FGF14: variants seen among roughly 807,000 people sequenced by gnomAD.
FGF14 encodes the protein fibroblast growth factor homologous factor 4.
FGF14 carries 5 observed loss-of-function variants against 25.5 expected under a neutral mutation model. The observed-to-expected ratio is 0.20, with a 90% CI of 0.10 to 0.41. The LOEUF (loss-of-function observed/expected upper bound fraction) is 0.41. Ranked by LOEUF, FGF14 falls within the 10% of genes least tolerant of loss-of-function variation. The probability of loss-of-function intolerance (pLI) is 1.00; values close to 1 mark genes in which losing one functional copy is unlikely to be tolerated. For missense variants in FGF14, 222 were observed against 320.1 expected, an observed-to-expected ratio of 0.69 and a Z score of 2.34; for synonymous variants, 138 against 118.3, an observed-to-expected ratio of 1.17 and a Z score of -1.08.
At chr13:102,185,744 C>T (rs1417129887) in intron 1 of FGF14, among the ~76,000 whole-genome samples, 1 of 152,126 alleles carries the variant, frequency 6.6e-6, no homozygotes, top group Non-Finnish European at 1.5e-5. Flanking sequence ...GAGATGGATC[C>T]ACCAGATTTA....
Position 102,141,829 on chromosome 13 carries a change from G to C in FGF14, c.208+259642C>G, listed in dbSNP as rs2046655412. On this transcript the variant is annotated intron_variant, in intron 1 of 4. Transcript: ENST00000376131. ...ATCTACCACTAGAGGGCACAAATAA[G>C]GCTGTTTTCTGGGAAAAGGTTTTGA... Among the ~76,000 whole-genome samples the C allele has an allele frequency of 2.0e-5, 3 of 152,100 alleles. No individual in the cohort carries two copies. The South Asian group carries it at 6.2e-4, about 32-fold the overall frequency.
intron 3 of FGF14, among the ~76,000 whole-genome samples, chr13:101,811,625 G>T (rs1270850026): frequency 6.6e-6 from 1 of 152,176 alleles, no homozygotes; most frequent in African/African-American, 2.4e-5. Context: ...TTGCATAGAG[G>T]CCAAGGGACA....
At chr13:102,110,563 C>T (rs1194647007) in intron 1 of FGF14, among the ~76,000 whole-genome samples, 1 of 152,076 alleles carries the variant, frequency 6.6e-6, no homozygotes, top group Non-Finnish European at 1.5e-5. Flanking sequence ...TGAAGAGTTC[C>T]AACAGAACAA....
intron 1 of FGF14, among the ~76,000 whole-genome samples, chr13:102,224,714 C>T (rs1489755674): frequency 6.6e-6 from 1 of 152,156 alleles, no homozygotes; most frequent in African/African-American, 2.4e-5. Flanking sequence ...AGAAACTATA[C>T]TACATAATGT....
chr13:102,396,905 A>G (rs2058598304), intron 1 of FGF14, among the ~76,000 whole-genome samples: 2 of 152,346 alleles, frequency 1.3e-5, no homozygotes, highest in South Asian at 4.1e-4. Context: ...TACCTCAGTA[A>G]ATAAGCTTCC....
At chr13:102,216,494 A>T (rs1045550430) in intron 1 of FGF14, among the ~76,000 whole-genome samples, 3 of 152,224 alleles carry the variant, frequency 2.0e-5, no homozygotes, top group Non-Finnish European at 4.4e-5. Context: ...TTTTAACAAT[A>T]GTAAAAGCAA....
intron 1 of FGF14, among the ~76,000 whole-genome samples, chr13:102,068,676 C>A (rs1306327225): frequency 2.0e-5 from 3 of 152,238 alleles, no homozygotes; most frequent in Non-Finnish European, 4.4e-5. Flanking sequence ...CGGCGCTGTG[C>A]TCGATTTCTC....
At chr13:101,743,631 C>T (rs1166112787) in intron 3 of FGF14, among the ~76,000 whole-genome samples, 1 of 152,128 alleles carries the variant, frequency 6.6e-6, no homozygotes, top group Non-Finnish European at 1.5e-5. Flanking sequence ...TTCACACTGT[C>T]AGTGATAGAA....
At chr13:102,094,426 C>A (rs780716609) in intron 1 of FGF14, among the ~76,000 whole-genome samples, 111 of 152,262 alleles carry the variant, frequency 7.3e-4, no homozygotes, top group Non-Finnish European at 1.5e-3. Context: ...TTCCCAGACA[C>A]CATTAAGAAA....
chr13:102,244,605 T>C (rs769204806), intron 1 of FGF14, among the ~76,000 whole-genome samples: 9 of 152,110 alleles, frequency 5.9e-5, no homozygotes, highest in Admixed American at 1.3e-4. Context: ...AGGTTTTTCA[T>C]GTCATTGCAT....
intron 1 of FGF14, among the ~76,000 whole-genome samples, chr13:102,132,934 T>C (rs2046262721): frequency 6.6e-6 from 1 of 152,218 alleles, no homozygotes; most frequent in Non-Finnish European, 1.5e-5. Flanking sequence ...GGTGTTCTGT[T>C]GAACCTGAAT....
At chr13:102,275,948 T>C (rs1252192512) in intron 1 of FGF14, among the ~76,000 whole-genome samples, 2 of 151,880 alleles carry the variant, frequency 1.3e-5, no homozygotes, top group African/African-American at 4.8e-5. Context: ...CAATGAACAG[T>C]AAAAAAACAA....
At chr13:102,018,918 A>G (rs1269798341) in intron 1 of FGF14, among the ~76,000 whole-genome samples, 2 of 152,156 alleles carry the variant, frequency 1.3e-5, no homozygotes, top group Non-Finnish European at 2.9e-5. Context: ...TGGGGCTTGC[A>G]CATGTACATT....
exon 1 of FGF14, chr13:102,401,690 T>C: frequency 1.2e-6 from 2 of 1,607,762 alleles, no homozygotes; most frequent in Admixed American, 1.7e-5. Context: ...GGAAAAACGA[T>C]AATATTCCGG....
chr13:101,896,024 C>G (rs962386231), intron 1 of FGF14, among the ~76,000 whole-genome samples: 1 of 152,060 alleles, frequency 6.6e-6, no homozygotes, highest in African/African-American at 2.4e-5. Context: ...AATTACTTAA[C>G]CATAATTAAA....
intron 1 of FGF14, among the ~76,000 whole-genome samples, chr13:102,221,680 GAACT>G (rs1361187531): frequency 2.0e-5 from 3 of 151,890 alleles, no homozygotes; most frequent in East Asian, 3.9e-4. Flanking sequence ...CAAGCTCTTT[GAACT>G]AACAGATAAT....
At chr13:102,202,104 A>G (rs640210) in intron 1 of FGF14, among the ~76,000 whole-genome samples, 128,733 of 152,040 alleles carry the variant, frequency 0.85, 54,849 homozygotes, top group African/African-American at 0.95. Context: ...CTTCGCCTTC[A>G]CCGCGACTGT....
In FGF14 at chr13:101,869,940, C is replaced by T. The variant is rs918608770; in HGVS notation, c.305-1112G>A. 3.9e-5 allele frequency among the ~76,000 whole-genome samples: 6 copies of T among 152,224 alleles called. No individual in the cohort carries two copies. In the East Asian group the frequency reaches 5.8e-4, roughly 15 times the overall value. On this transcript the variant is annotated intron_variant, in intron 2 of 4. Transcript: ENST00000376143. ...TCCTAATAGGTTGAAGAAAATTACA[C>T]CCTCTCTTCTGATTATTACAAGCTA...
intron 1 of FGF14, among the ~76,000 whole-genome samples, chr13:102,238,558 A>T (rs2051436174): frequency 6.6e-6 from 1 of 152,220 alleles, no homozygotes; most frequent in African/African-American, 2.4e-5. Context: ...GTATTTTATG[A>T]ACACAGTTTA....
Sources: gnomAD v4.1 joint callset for allele counts (sites outside exome capture counted in the v4.1 genomes callset) on GRCh38, gnomAD v4.1.1 for gene constraint, MANE v1.5 for transcripts, NCBI Gene and HGNC (gene_info 2026-07-23, HGNC 2026-07-21) for gene names.